Variants in IL31RA observed in about 807,000 individuals in gnomAD.
IL31RA encodes interleukin 31 receptor A, also known as interleukin-31 receptor subunit alpha.
IL31RA carries 66 observed loss-of-function variants against 83.7 expected under a neutral mutation model. The ratio of observed to expected loss-of-function variants is 0.79; its 90% CI spans 0.65 to 0.97. IL31RA has a LOEUF of 0.97. IL31RA is among the 50% of genes least tolerant of loss of function. The pLI, the probability that IL31RA is intolerant of heterozygous loss-of-function variation, is 0.00. For missense variants in IL31RA, 798 were observed against 919.4 expected (o/e 0.87, Z 1.71); for synonymous variants, 325 against 329.0 (o/e 0.99, Z 0.13).
chr5:55,849,889 C>T (rs573559913), upstream of IL31RA, among the ~76,000 whole-genome samples: 4 of 152,234 alleles, frequency 2.6e-5, no homozygotes, highest in African/African-American at 7.2e-5. Context: ...AATAACATCT[C>T]GAAAATGGTC....
chr5:55,882,952 G>T, intron 4 of IL31RA, 92 bp from the exon 5 acceptor site: 1 of 1,167,526 alleles, frequency 8.6e-7, no homozygotes, highest in East Asian at 2.3e-5. Context: ...AGACCACAAT[G>T]CACGTATCAT....
chr5:55,847,244 AAAAT>A (rs371149253), upstream of IL31RA, among the ~76,000 whole-genome samples: 14,749 of 60,586 alleles, frequency 0.24, 1,043 homozygotes, highest in East Asian at 0.34. Flanking sequence ...AAAAAAAATA[AAAAT>A]AAATAAATAA....
chr5:55,906,289 G>A lies in IL31RA; in HGVS notation c.1252+1G>A. 1 of 1,613,900 alleles carries A rather than the reference G, an allele frequency of 6.2e-7. No individual in the cohort carries two copies. The highest frequency in any genetic ancestry group is 1.1e-5 in the South Asian group (1 of 91,072). ...GCCACGAACTGGACGATCCAGCAAG[G>A]TAGCCAGGGCGGAACTCACAGGTTC... is the stretch of plus-strand genomic sequence containing the variant. On this transcript the variant is annotated splice_donor_variant, in intron 9 of 14. Transcript: ENST00000652347. LOFTEE classifies it high-confidence loss of function.
chr5:55,859,719 G>A, intron 2 of IL31RA, 120 bp downstream of exon 2: 1 of 768,462 alleles, frequency 1.3e-6, no homozygotes. Context: ...AAGGGGACTT[G>A]TGAACACCCT....
At chr5:55,893,813 T>C (rs1748162436) in intron 6 of IL31RA, among the ~76,000 whole-genome samples, 1 of 149,730 alleles carries the variant, frequency 6.7e-6, no homozygotes, top group African/African-American at 2.5e-5. Context: ...GAGATAATTT[T>C]TTTTTTTTTT....
At position 55,907,455 on chromosome 5, in the gene IL31RA, A is replaced by T; in HGVS notation, c.1349A>T (p.Glu450Val). The T allele has an allele frequency of 1.2e-6, 2 of 1,605,198 alleles. No homozygotes were observed. The highest frequency in any genetic ancestry group is 1.7e-6 in the Non-Finnish European group (2 of 1,171,746). ...TATTCCATCCAGGCTTATGCCAAAG[A>T]AGGCGGTATGAATGGACAAGACCCT... ...EPYSIQAYAK[E>V]GVPSEGPETK... The change falls in exon 10 of 15, where the codon GAA becomes GTA. Residue 450 changes from glutamate to valine, a missense_variant. Glu to Val is a moderately radical substitution (Grantham distance 121). Transcript: ENST00000652347.
chr5:55,890,718 T>G (rs576904360), intron 6 of IL31RA, among the ~76,000 whole-genome samples: 1 of 152,334 alleles, frequency 6.6e-6, no homozygotes, highest in African/African-American at 2.4e-5. Context: ...AGATACATAT[T>G]GTGAATCCTG....
At chr5:55,877,837 T>G (rs1281339721) in intron 4 of IL31RA, among the ~76,000 whole-genome samples, 1 of 152,182 alleles carries the variant, frequency 6.6e-6, no homozygotes, top group Non-Finnish European at 1.5e-5. Context: ...TGGTATTCAC[T>G]GGGATTCTTG....
rs1253274492 is a variant in IL31RA at position 55,916,999 on chromosome 5, G to A, written c.2174G>A (p.Ser725Asn). 1.9e-6 allele frequency: 3 copies of A among 1,614,204 alleles called. No individual in the cohort carries two copies. The highest frequency in any genetic ancestry group is 1.7e-6 in the Non-Finnish European group (2 of 1,180,034). The change falls in exon 15 of 15, where the codon AGT (serine) becomes AAT (asparagine). Residue 725 changes from serine to asparagine, a missense_variant. Physicochemically the swap from Ser to Asn is conservative, Grantham distance 46. Transcript: ENST00000652347. ...GAGCAGCTTCTCTTTTCTGGTCAAA[G>A]TTTAGTACCAGATCATCTGTGTGAG... ...AKEQLLFSGQ[S>N]LVPDHLCEEG...
At position 55,919,899 on chromosome 5, in the gene IL31RA, G is replaced by C. The variant is rs928612062; in HGVS notation, c.*2779G>C. Among the ~76,000 whole-genome samples, 1 of 152,208 alleles carries C rather than the reference G, an allele frequency of 6.6e-6. No homozygotes were observed. Among genetic ancestry groups the C allele is most frequent in the African/African-American group, 2.4e-5 (1 of 41,454 alleles). ...GGAGAAGGCCATCTGTGTTTTCCCT[G>C]TTTACTGTCAGAGACATTGTGAGGA... On this transcript the variant is annotated 3_prime_UTR_variant, in exon 15 of 15. Transcript: ENST00000652347.
intron 7 of IL31RA, among the ~76,000 whole-genome samples, chr5:55,899,272 T>C (rs2112522244): frequency 6.6e-6 from 1 of 152,308 alleles, no homozygotes; most frequent in Middle Eastern, 3.4e-3. Flanking sequence ...CTATAAATTC[T>C]GGGAAATACT....
chr5:55,916,902 C>G lies in IL31RA; in HGVS notation c.2077C>G (p.Pro693Ala). The G allele has an allele frequency of 6.2e-7, 1 of 1,614,068 alleles. No homozygotes were observed. The highest frequency in any genetic ancestry group is 8.5e-7 in the Non-Finnish European group (1 of 1,179,944). ...GKSFEELPVSPEIPPRKSQYL... is the reference protein window; with the variant it reads ...GKSFEELPVSAEIPPRKSQYL... ...AAGTTTTGAGGAGCTCCCAGTTTCA[C>G]CTGAGATTCCGCCCAGAAAATCCCA... Residue 693 changes from proline (P) to alanine (A), a missense_variant, in exon 15 of 15, where the codon CCT becomes GCT. Transcript: ENST00000652347.
At chr5:55,888,408 G>A (rs916256614) in intron 5 of IL31RA, among the ~76,000 whole-genome samples, 5 of 152,288 alleles carry the variant, frequency 3.3e-5, no homozygotes, top group African/African-American at 7.2e-5. Flanking sequence ...AGAGGCTTCC[G>A]TGGCTACATT....
Position 55,921,768 on chromosome 5 carries a change from C to T in IL31RA, c.*4648C>T, listed in dbSNP as rs1421949004. ...TTTTCTTTTTTTATTGTTGCCATGT[C>T]CCTGTGTTGACATTACAGAATGTTC... On this transcript the variant is annotated 3_prime_UTR_variant, in exon 15 of 15. Coordinates refer to ENST00000652347, the MANE Select transcript of IL31RA (RefSeq NM_139017.7). Among the ~76,000 whole-genome samples the T allele has an allele frequency of 1.3e-5, 2 of 152,130 alleles. No homozygotes were observed. The highest frequency in any genetic ancestry group is 1.9e-4 in the East Asian group (1 of 5,200).
chr5:55,898,296 G>T lies in IL31RA; in HGVS notation c.853-1620G>T, dbSNP rs547780726. On this transcript the variant is annotated intron_variant, in intron 7 of 14. Transcript: ENST00000652347. ...CCCGCCTCCTCCCCGTCGCCTGTTGGGTCTGGTCTTTTTCTCCACACCACC... is the reference window on the plus strand; with the variant it reads ...CCCGCCTCCTCCCCGTCGCCTGTTGTGTCTGGTCTTTTTCTCCACACCACC... Among the ~76,000 whole-genome samples the T allele has an allele frequency of 5.3e-5, 8 of 152,046 alleles. No individual in the cohort carries two copies. The South Asian group carries it at 1.7e-3, about 32-fold the overall frequency.
At position 55,916,809 on chromosome 5, in the gene IL31RA, A is replaced by G. The variant is rs760067843; in HGVS notation, c.1984A>G (p.Asn662Asp). The part of the protein sequence containing the change: ...FTDEARTGQE[N>D]NLGGEKNGYV... ...AGATGAAGCCAGAACGGGTCAGGAA[A>G]ACAATTTAGGAGGGGAAAAGAATGG... Residue 662 changes from asparagine (N) to aspartate (D), a missense_variant, in exon 15 of 15, where the codon AAC (asparagine) becomes GAC (aspartate). Coordinates refer to ENST00000652347, the MANE Select transcript of IL31RA (RefSeq NM_139017.7). The G allele has an allele frequency of 6.2e-7, 1 of 1,614,188 alleles. No homozygotes were observed. Among genetic ancestry groups the G allele is most frequent in the South Asian group, 1.1e-5 (1 of 91,068 alleles).
chr5:55,882,961 A>AT lies in IL31RA; in HGVS notation c.455-75dup, dbSNP rs531522582. 6.5e-5 allele frequency: 85 copies of AT among 1,310,410 alleles called. 1 individual carries two copies. The highest frequency in any genetic ancestry group is 1.2e-4 in the African/African-American group (8 of 68,518). The allele number at this position is 1,310,410 out of a possible 1,614,324, so 81.2% of individuals were successfully genotyped here. The stretch of plus-strand genomic sequence containing the variant: ...TATAGCAGACCACAATGCACGTATC[A>AT]TTTTTTTTCAATTTTGGGTGGATGC... On this transcript the variant is annotated intron_variant, in intron 4 of 14. Transcript: ENST00000652347.
the IL31RA span, chr5:55,839,849 T>A: frequency 1.3e-6 from 1 of 753,472 alleles, no homozygotes; most frequent in Non-Finnish European, 2.5e-6. Context: ...TGATTCAAGT[T>A]CAACAAAAGC....
chr5:55,846,510 A>G (rs546766322), upstream of IL31RA, among the ~76,000 whole-genome samples: 4 of 152,344 alleles, frequency 2.6e-5, no homozygotes, highest in South Asian at 2.1e-4. Context: ...TTTCTCATCT[A>G]TAAAAGTGAA....
Sources: gnomAD v4.1 joint callset for allele counts (sites outside exome capture counted in the v4.1 genomes callset) on GRCh38, gnomAD v4.1.1 for gene constraint, MANE v1.5 for transcripts, NCBI Gene and HGNC (gene_info 2026-07-23, HGNC 2026-07-21) for gene names.